Variants in CA10 observed in about 807,000 individuals in gnomAD.
The protein encoded by CA10 is carbonic anhydrase 10 (inactive).
Under a neutral mutation model 44.2 loss-of-function variants are expected in CA10, and 14 were observed. That is an observed-to-expected ratio of 0.32 (90% CI 0.21 to 0.50). The LOEUF (loss-of-function observed/expected upper bound fraction) is 0.50, where lower values mean the gene tolerates loss of function less well. Ranked by LOEUF, CA10 falls within the 20% of genes least tolerant of loss-of-function variation. The pLI, the probability that CA10 is intolerant of heterozygous loss-of-function variation, is 0.99. For synonymous variants in CA10, 159 were observed against 141.6 expected, an observed-to-expected ratio of 1.12 and a Z score of -0.87; for missense variants, 350 against 409.7, an observed-to-expected ratio of 0.85 and a Z score of 1.26.
chr17:51,856,063 C>T (rs1001408553), intron 3 of CA10, among the ~76,000 whole-genome samples: 2 of 152,120 alleles, frequency 1.3e-5, no homozygotes, highest in Admixed American at 1.3e-4. Context: ...AATGTGCAAG[C>T]CTTAAGCTGA....
chr17:52,066,405 C>T (rs1426941765), intron 2 of CA10, among the ~76,000 whole-genome samples: 1 of 152,120 alleles, frequency 6.6e-6, no homozygotes, highest in African/African-American at 2.4e-5. Flanking sequence ...CCAAATCTCA[C>T]CTTGAATTGT....
At chr17:52,067,940 G>A (rs1987579079) in intron 2 of CA10, among the ~76,000 whole-genome samples, 1 of 152,228 alleles carries the variant, frequency 6.6e-6, no homozygotes, top group African/African-American at 2.4e-5. Context: ...ATAGGCAGAA[G>A]GGGCTGGCCT....
chr17:51,854,734 C>T (rs908285273), intron 3 of CA10, among the ~76,000 whole-genome samples: 1 of 152,146 alleles, frequency 6.6e-6, no homozygotes, highest in African/African-American at 2.4e-5. Flanking sequence ...GGCTTATGAC[C>T]TAACAGAAGG....
At chr17:51,992,995 G>A (rs889471013) in intron 2 of CA10, among the ~76,000 whole-genome samples, 4 of 152,108 alleles carry the variant, frequency 2.6e-5, no homozygotes, top group Admixed American at 6.6e-5. Context: ...GAAGTGGCAG[G>A]CAATCTTACT....
chr17:51,747,807 G>T lies in CA10; in HGVS notation c.291C>A (p.Thr97=). ...INTGGRKVSG[T]MYNTGRHVSL... is the part of the protein sequence containing the mutation. ...ATACGTGTCTTCCAGTGTTGTACATGGTCCCACTGACCTGCAAGGCAATTA... is the reference window on the plus strand; with the variant it reads ...ATACGTGTCTTCCAGTGTTGTACATTGTCCCACTGACCTGCAAGGCAATTA... Residue 97 remains threonine, a synonymous_variant, in exon 4 of 9, where the codon ACC becomes ACA. Transcript: ENST00000451037. 1 of 1,610,148 alleles carries T rather than the reference G, an allele frequency of 6.2e-7. No individual in the cohort carries two copies. The highest frequency in any genetic ancestry group is 8.5e-7 in the Non-Finnish European group (1 of 1,178,318).
At chr17:51,694,837 G>A (rs1915344806) in intron 4 of CA10, among the ~76,000 whole-genome samples, 1 of 152,156 alleles carries the variant, frequency 6.6e-6, no homozygotes, top group South Asian at 2.1e-4. Flanking sequence ...CTTTTGTATA[G>A]GTGAAAGGTA....
intron 3 of CA10, among the ~76,000 whole-genome samples, chr17:51,898,825 G>C (rs774906064): frequency 1.3e-5 from 2 of 151,824 alleles, no homozygotes; most frequent in Admixed American, 6.6e-5. Flanking sequence ...AGGTTTTATA[G>C]TATGTGTGCA....
chr17:52,036,359 A>G (rs968755371), intron 2 of CA10, among the ~76,000 whole-genome samples: 1 of 152,198 alleles, frequency 6.6e-6, no homozygotes, highest in Non-Finnish European at 1.5e-5. Context: ...ATATAAAGAT[A>G]AATGTGACAT....
chr17:52,057,399 T>C (rs1246201779), intron 2 of CA10, among the ~76,000 whole-genome samples: 1 of 152,134 alleles, frequency 6.6e-6, no homozygotes, highest in Non-Finnish European at 1.5e-5. Flanking sequence ...TAATGAACAG[T>C]AAATCTATTT....
intron 3 of CA10, among the ~76,000 whole-genome samples, chr17:51,861,175 C>T (rs1471974793): frequency 6.6e-6 from 1 of 152,106 alleles, no homozygotes; most frequent in Non-Finnish European, 1.5e-5. Context: ...GGCCAGAGGA[C>T]ACGGGAGAGA....
intron 4 of CA10, among the ~76,000 whole-genome samples, chr17:51,676,705 C>G (rs1914636496): frequency 6.6e-6 from 1 of 152,218 alleles, no homozygotes; most frequent in South Asian, 2.1e-4. Context: ...TACAGTGAAT[C>G]ATATGCAACA....
At chr17:51,944,738 G>T (rs368810957) in intron 2 of CA10, among the ~76,000 whole-genome samples, 4 of 152,054 alleles carry the variant, frequency 2.6e-5, no homozygotes, top group Admixed American at 2.0e-4. Context: ...GAAATTACAG[G>T]TGAATATTAA....
chr17:51,864,038 C>T (rs1305028391), intron 3 of CA10, among the ~76,000 whole-genome samples: 1 of 152,188 alleles, frequency 6.6e-6, no homozygotes, highest in Non-Finnish European at 1.5e-5. Flanking sequence ...GCCTTCTAAT[C>T]ACACAGTTGG....
intron 2 of CA10, among the ~76,000 whole-genome samples, chr17:52,033,086 G>T (rs1986516107): frequency 6.6e-6 from 1 of 152,130 alleles, no homozygotes; most frequent in East Asian, 1.9e-4. Flanking sequence ...GCCACCAGAG[G>T]TTTCAGAGAA....
At chr17:51,994,921 C>A (rs531424600) in intron 2 of CA10, among the ~76,000 whole-genome samples, 51 of 152,020 alleles carry the variant, frequency 3.4e-4, no homozygotes, top group Non-Finnish European at 7.1e-4. Flanking sequence ...GGGCCAGAAA[C>A]CCTTTTCTAA....
chr17:51,706,815 G>C (rs1238197341), intron 4 of CA10, among the ~76,000 whole-genome samples: 1 of 152,182 alleles, frequency 6.6e-6, no homozygotes, highest in African/African-American at 2.4e-5. Context: ...TCCTGCCTGA[G>C]GGCCGGAAAC....
chr17:51,677,450 G>A (rs1412261959), intron 4 of CA10, among the ~76,000 whole-genome samples: 2 of 152,082 alleles, frequency 1.3e-5, no homozygotes, highest in African/African-American at 4.8e-5. Flanking sequence ...TAAGTTTCCT[G>A]AGGCCCCCCC....
At chr17:51,900,868 G>GATT (rs1981283568) in intron 3 of CA10, among the ~76,000 whole-genome samples, 1 of 152,038 alleles carries the variant, frequency 6.6e-6, no homozygotes, top group Non-Finnish European at 1.5e-5. Flanking sequence ...AGATCAATTT[G>GATT]ATTATTTCTT....
At chr17:51,750,230 G>T (rs186956396) in intron 3 of CA10, among the ~76,000 whole-genome samples, 1 of 151,906 alleles carries the variant, frequency 6.6e-6, no homozygotes, top group East Asian at 1.9e-4. Flanking sequence ...AATTAAACAG[G>T]AATCACCACT....
Sources: allele counts gnomAD v4.1 joint callset (sites outside exome capture counted in the v4.1 genomes callset), GRCh38; gene constraint gnomAD v4.1.1; transcripts MANE v1.5; gene names NCBI Gene and HGNC (gene_info 2026-07-23, HGNC 2026-07-21).